The following SGSM2 variants were observed in gnomAD, a reference collection of about 807,000 sequenced individuals.
SGSM2 encodes the protein small G protein signaling modulator 2.
A neutral mutation model predicts 126.6 loss-of-function variants in SGSM2; 89 were observed. That is an observed-to-expected ratio of 0.70 (90% CI 0.59 to 0.84). SGSM2 has a LOEUF of 0.84. Among genes scored for constraint, SGSM2 ranks in the 40% least tolerant of loss-of-function variants. The pLI, the probability that SGSM2 is intolerant of heterozygous loss-of-function variation, is 0.00. For synonymous variants in SGSM2, 614 were observed against 574.3 expected, an observed-to-expected ratio of 1.07 and a Z score of -0.99; for missense variants, 1,404 against 1,416.6, an observed-to-expected ratio of 0.99 and a Z score of 0.14.
chr17:2,371,936 C>T (rs11657513), intron 13 of SGSM2: 15 of 531,306 alleles, frequency 2.8e-5, no homozygotes, highest in East Asian at 6.5e-5. Flanking sequence ...CATGAGGAAA[C>T]GAAGATTCAT....
At chr17:2,377,732 AACAG>A (rs2066243288) in intron 21 of SGSM2, 121 bp from the exon 22 acceptor site, 2 of 685,178 alleles carry the variant, frequency 2.9e-6, no homozygotes. Flanking sequence ...AGCACAGGGC[AACAG>A]ACAGACCCAC....
intron 2 of SGSM2, among the ~76,000 whole-genome samples, chr17:2,359,270 T>A (rs2065213052): frequency 6.6e-6 from 1 of 151,694 alleles, no homozygotes; most frequent in African/African-American, 2.4e-5. Context: ...TATTATTTTG[T>A]CTGCACACTG....
chr17:2,363,548 G>C lies in SGSM2; in HGVS notation c.756G>C (p.Gln252His), dbSNP rs761307225. 2.5e-6 allele frequency: 4 copies of C among 1,613,614 alleles called. No individual in the cohort carries two copies. The highest frequency in any genetic ancestry group is 1.1e-5 in the South Asian group (1 of 91,078). The change falls in exon 7 of 24, where the codon CAG becomes CAC. Residue 252 changes from glutamine to histidine, a missense_variant. Physicochemically the swap from Gln to His is conservative, Grantham distance 24. Transcript: ENST00000268989. The surrounding 1 kb of genome is among the most constrained non-coding windows in gnomAD (Gnocchi z 4.2). ...GCGAGTGTGTGGAGTCCCTGCACCA[G>C]AACTCACGGACGCGGCTGCTCTATG... ...CARECVESLH[Q>H]NSRTRLLYGK...
At position 2,365,015 on chromosome 17, in the gene SGSM2, T is replaced by G. The variant is rs1356954082; in HGVS notation, c.1119T>G (p.Pro373=). ...CCTGTCTGGAGAATGGGCTGCTGCC[T>G]CGGGGACAGCTAGAGCCCCCGCTGT... ...FLSCLENGLL[P]RGQLEPPLWT... The change falls in exon 10 of 24, where the codon CCT becomes CCG. Residue 373 remains proline (P), a synonymous_variant. Coordinates refer to ENST00000268989, the MANE Select transcript of SGSM2 (RefSeq NM_014853.3). 6.2e-7 allele frequency: 1 copy of G among 1,613,650 alleles called. No homozygotes were observed. The highest frequency in any genetic ancestry group is 8.5e-7 in the Non-Finnish European group (1 of 1,179,984).
rs1439584492 is a variant in SGSM2, at chr17:2,362,645, C to G, written c.459-193C>G. On this transcript the variant is annotated intron_variant, in intron 4 of 23. Coordinates refer to ENST00000268989, the MANE Select transcript of SGSM2 (RefSeq NM_014853.3). The surrounding 1 kb of genome is among the most constrained non-coding windows in gnomAD (Gnocchi z 4.9). ...TGACAGCCTGTAGGCAACCCTCCAT[C>G]TCCCCGTCCCCTTCGGTGCCCTCAA... Among the ~76,000 whole-genome samples the G allele has an allele frequency of 6.6e-6, 1 of 152,264 alleles. No individual in the cohort carries two copies. Among genetic ancestry groups the G allele is most frequent in the East Asian group, 1.9e-4 (1 of 5,192 alleles).
At chr17:2,356,925 TG>T (rs200933581) in intron 2 of SGSM2, among the ~76,000 whole-genome samples, 3 of 66,246 alleles carry the variant, frequency 4.5e-5, no homozygotes, top group Admixed American at 2.5e-4. Context: ...GTGTAAGGGT[TG>T]GGGGAAGGGA....
At position 2,376,721 on chromosome 17, in the gene SGSM2, CCT is replaced by C. The variant is rs1567851079; in HGVS notation, c.2610-11_2610-10del. On this transcript the variant is annotated splice_polypyrimidine_tract_variant and intron_variant, in intron 19 of 23. Coordinates refer to ENST00000268989, the MANE Select transcript of SGSM2 (RefSeq NM_014853.3). ...GGGGCACAGCCACAGTGACTCTCCCCCTGCCTTTCAGCTACGTGTGGGAGCAC... is the reference window on the plus strand; with the variant it reads ...GGGGCACAGCCACAGTGACTCTCCCCGCCTTTCAGCTACGTGTGGGAGCAC... The C allele has an allele frequency of 2.5e-6, 4 of 1,609,248 alleles. No homozygotes were observed. The highest frequency in any genetic ancestry group is 1.7e-5 in the Admixed American group (1 of 60,008).
At chr17:2,365,169 G>A (rs1357130823) in intron 10 of SGSM2, 46 bp from the exon 11 acceptor site, 2 of 1,590,398 alleles carry the variant, frequency 1.3e-6, no homozygotes, top group Non-Finnish European at 1.7e-6. Flanking sequence ...AACCCTGGAT[G>A]AGACTCTGCC....
chr17:2,379,516 A>G lies in SGSM2; in HGVS notation c.3152A>G (p.Lys1051Arg). ...VHKVQMLIENK is the reference protein window; with the variant it reads ...VHKVQMLIENR ...AAGGTGCAGATGCTCATAGAGAACA[A>G]GTGAGCTGGGGCCAGGAGGCAGCAG... The change falls in exon 24 of 24, where the codon AAG (lysine) becomes AGG (arginine). Residue 1051 changes from lysine (K) to arginine (R), a missense_variant. Coordinates refer to ENST00000268989, the MANE Select transcript of SGSM2 (RefSeq NM_014853.3). 1.9e-6 allele frequency: 3 copies of G among 1,611,570 alleles called. No individual in the cohort carries two copies. The highest frequency in any genetic ancestry group is 1.1e-5 in the South Asian group (1 of 91,010).
chr17:2,342,444 A>T (rs141184723), intron 1 of SGSM2, among the ~76,000 whole-genome samples: 12 of 152,042 alleles, frequency 7.9e-5, no homozygotes, highest in African/African-American at 2.2e-4. Flanking sequence ...AAACAAAAAA[A>T]GTATAAAAAC....
intron 12 of SGSM2, among the ~76,000 whole-genome samples, chr17:2,369,245 G>A (rs1256563904): frequency 6.6e-6 from 1 of 152,176 alleles, no homozygotes; most frequent in African/African-American, 2.4e-5. Flanking sequence ...CAACATGCTT[G>A]ACTTGTGCAT....
At position 2,375,591 on chromosome 17, in the gene SGSM2, A is replaced by ACCG; in HGVS notation, c.2204_2206dup (p.Ala735dup). 6.2e-7 allele frequency: 1 copy of ACCG among 1,613,782 alleles called. No individual in the cohort carries two copies. Among genetic ancestry groups the ACCG allele is most frequent in the Non-Finnish European group, 8.5e-7 (1 of 1,179,976 alleles). ...GGAAGCAGGACCCGGGACTCCGGGC[A>ACCG]CCGCCGTGGTGGAGCAGCAGCATTC... On this transcript the variant is annotated inframe_insertion, in exon 18 of 24. Coordinates refer to ENST00000268989, the MANE Select transcript of SGSM2 (RefSeq NM_014853.3).
intron 8 of SGSM2, 132 bp from the exon 9 acceptor site, chr17:2,364,464 C>T: frequency 2.0e-6 from 2 of 983,550 alleles, no homozygotes; most frequent in Non-Finnish European, 3.1e-6. Flanking sequence ...TCATGGCTGG[C>T]TGTGTGCACC....
chr17:2,354,141 A>C (rs988015927), intron 2 of SGSM2, among the ~76,000 whole-genome samples: 2 of 152,150 alleles, frequency 1.3e-5, no homozygotes, highest in Non-Finnish European at 2.9e-5. Context: ...TTCTGGGCTC[A>C]AGTGATCTTC....
rs373481691 is a variant in SGSM2 at position 2,363,629 on chromosome 17, C to T, written c.807+30C>T. The T allele has an allele frequency of 1.5e-5, 24 of 1,607,580 alleles. No homozygotes were observed. The Middle Eastern group carries it at 5.1e-4, about 34-fold the overall frequency. On this transcript the variant is annotated intron_variant, in intron 7 of 23. Coordinates refer to ENST00000268989, the MANE Select transcript of SGSM2 (RefSeq NM_014853.3). This position sits in a 1 kb window ranked among gnomAD's most constrained non-coding sequence, Gnocchi z 4.2. ...GAAAGCTTCATCCTGCCATCCCTCC[C>T]CGAAGGTCCCCGAACGAGACGACTG...
intron 2 of SGSM2, among the ~76,000 whole-genome samples, chr17:2,360,921 T>C (rs60786249): frequency 0.14 from 20,590 of 152,196 alleles, 2,155 homozygotes; most frequent in African/African-American, 0.27. Flanking sequence ...AAACTGTTAG[T>C]TTGGCCCAAT....
chr17:2,342,933 C>T (rs370333933), intron 1 of SGSM2, among the ~76,000 whole-genome samples: 18 of 152,234 alleles, frequency 1.2e-4, no homozygotes, highest in Non-Finnish European at 2.1e-4. Flanking sequence ...GCCGAGATCA[C>T]GCCACTGTAC....
chr17:2,364,968 G>A lies in SGSM2; in HGVS notation c.1072G>A (p.Gly358Arg), dbSNP rs769554349. ...GCCGCCGCTGCATTTCCCACAGGGA[G>A]GACACCTGCTGTCCTTTCTGTCCTG... is the stretch of plus-strand genomic sequence containing the variant. The part of the protein sequence containing the change: ...QRPPLHFPQG[G>R]HLLSFLSCLE... The change falls in exon 10 of 24, where the codon GGA (glycine) becomes AGA (arginine). Residue 358 changes from glycine to arginine, a missense_variant. Transcript: ENST00000268989. The A allele has an allele frequency of 3.1e-6, 5 of 1,613,500 alleles. No individual in the cohort carries two copies. The Admixed American group carries it at 6.7e-5, about 22-fold the overall frequency.
chr17:2,367,376 G>T lies in SGSM2; in HGVS notation c.1394G>T (p.Arg465Leu), dbSNP rs758757388. The T allele has an allele frequency of 1.2e-6, 2 of 1,614,072 alleles. No individual in the cohort carries two copies. Among genetic ancestry groups the T allele is most frequent in the Admixed American group, 3.3e-5 (2 of 60,020 alleles). ...LHAMLSMICS[R>L]NLTAPNPMKD... Reference sequence around the variant, plus strand: ...GCGATGCTCTCAATGATCTGCTCGCGGAACCTCACAGCTCCCAATCCGATG... The same window carrying T: ...GCGATGCTCTCAATGATCTGCTCGCTGAACCTCACAGCTCCCAATCCGATG... Residue 465 changes from arginine to leucine, a missense_variant, in exon 12 of 24, where the codon CGG (arginine) becomes CTG (leucine). By Grantham distance (102) the Arg-to-Leu change is moderately radical (BLOSUM62 -2). Transcript: ENST00000268989. The surrounding 1 kb of genome is among the most constrained non-coding windows in gnomAD (Gnocchi z 4.0).
Sources: gnomAD v4.1 joint callset for allele counts (sites outside exome capture counted in the v4.1 genomes callset) on GRCh38, gnomAD v4.1.1 for gene constraint, Gnocchi (gnomAD v3.1) non-coding constraint, MANE v1.5 for transcripts, NCBI Gene and HGNC (gene_info 2026-07-23, HGNC 2026-07-21) for gene names.